Variants in AGPS observed in about 807,000 individuals in gnomAD.
AGPS encodes the protein alkylglycerone phosphate synthase.
In AGPS, 26 loss-of-function variants were observed where a neutral mutation model predicts 90.7. The ratio of observed to expected loss-of-function variants is 0.29; its 90% CI spans 0.21 to 0.40. The LOEUF (loss-of-function observed/expected upper bound fraction) is 0.40. Among genes scored for constraint, AGPS ranks in the 10% least tolerant of loss-of-function variants. The pLI is 1.00. For missense variants in AGPS, 540 were observed against 816.1 expected, an observed-to-expected ratio of 0.66 and a Z score of 4.12; for synonymous variants, 294 against 285.3, an observed-to-expected ratio of 1.03 and a Z score of -0.31.
At chr2:177,494,665 T>C (rs1017479085) in intron 12 of AGPS, among the ~76,000 whole-genome samples, 3 of 152,202 alleles carry the variant, frequency 2.0e-5, no homozygotes, top group Non-Finnish European at 4.4e-5. Context: ...TTACTATACC[T>C]GAAAACATAC....
chr2:177,505,185 G>A (rs979027169), intron 14 of AGPS, among the ~76,000 whole-genome samples: 9 of 152,090 alleles, frequency 5.9e-5, no homozygotes, highest in African/African-American at 1.7e-4. Context: ...TCAAATATGA[G>A]TGAGACAGTA....
intron 11 of AGPS, among the ~76,000 whole-genome samples, chr2:177,485,629 A>G (rs1247548021): frequency 6.6e-6 from 1 of 152,182 alleles, no homozygotes; most frequent in Non-Finnish European, 1.5e-5. Flanking sequence ...ACACAAAACT[A>G]TAGTGAGCCA....
intron 1 of AGPS, among the ~76,000 whole-genome samples, chr2:177,405,774 T>A (rs545029822): frequency 6.6e-6 from 1 of 151,542 alleles, no homozygotes; most frequent in Admixed American, 6.6e-5. Context: ...TTTTTAGTCA[T>A]TTCTTCTGCA....
intron 17 of AGPS, among the ~76,000 whole-genome samples, chr2:177,518,880 G>A (rs1472726041): frequency 2.6e-5 from 4 of 151,998 alleles, no homozygotes; most frequent in South Asian, 2.1e-4. Context: ...GAAAATGGGC[G>A]CACATACTTA....
intron 9 of AGPS, among the ~76,000 whole-genome samples, chr2:177,463,490 A>G (rs902756006): frequency 6.6e-6 from 1 of 152,178 alleles, no homozygotes; most frequent in South Asian, 2.1e-4. Flanking sequence ...GGAGCTATTT[A>G]GCTTTGCTTT....
intron 1 of AGPS, among the ~76,000 whole-genome samples, chr2:177,412,315 CT>C (rs1395008067): frequency 2.0e-5 from 3 of 152,100 alleles, no homozygotes; most frequent in African/African-American, 7.2e-5. Flanking sequence ...TGAGTAGAGA[CT>C]TCTGGCTGTA....
intron 7 of AGPS, among the ~76,000 whole-genome samples, 189 bp from the exon 8 acceptor site, chr2:177,445,357 C>G (rs1162516632): frequency 6.6e-6 from 1 of 152,172 alleles, no homozygotes; most frequent in African/African-American, 2.4e-5. Context: ...AATATGCTGC[C>G]TTTGTTACTA....
intron 2 of AGPS, among the ~76,000 whole-genome samples, chr2:177,432,580 A>G (rs1021311840): frequency 2.6e-5 from 4 of 152,254 alleles, no homozygotes; most frequent in African/African-American, 9.6e-5. Flanking sequence ...AATATTGTGC[A>G]TTCAGATATA....
At chr2:177,394,096 A>G (rs1394548178) in intron 1 of AGPS, among the ~76,000 whole-genome samples, 2 of 152,216 alleles carry the variant, frequency 1.3e-5, no homozygotes, top group Non-Finnish European at 2.9e-5. Context: ...AATTGACTTC[A>G]TGGCCAAGTT....
At chr2:177,481,880 G>C (rs1405705512) in intron 10 of AGPS, among the ~76,000 whole-genome samples, 179 bp from the exon 11 acceptor site, 1 of 151,742 alleles carries the variant, frequency 6.6e-6, no homozygotes, top group African/African-American at 2.4e-5. Flanking sequence ...TTGAGAAATT[G>C]TAAAATTTGC....
intron 10 of AGPS, among the ~76,000 whole-genome samples, chr2:177,480,568 G>A (rs1266428760): frequency 5.3e-5 from 8 of 151,996 alleles, no homozygotes; most frequent in Admixed American, 4.6e-4. Context: ...TCATACACTG[G>A]GGCCTGTTGT....
chr2:177,533,045 G>A (rs1468939839), intron 19 of AGPS, among the ~76,000 whole-genome samples: 1 of 152,300 alleles, frequency 6.6e-6, no homozygotes, highest in East Asian at 1.9e-4. Flanking sequence ...GACTATATCA[G>A]TGTCAATGTC....
chr2:177,442,935 A>G (rs1471003771), intron 7 of AGPS, among the ~76,000 whole-genome samples: 3 of 151,458 alleles, frequency 2.0e-5, no homozygotes, highest in African/African-American at 7.3e-5. Flanking sequence ...GTTTACTTTT[A>G]CCCTCAGGTA....
At chr2:177,499,018 T>C (rs1409003212) in intron 13 of AGPS, among the ~76,000 whole-genome samples, 4 of 151,934 alleles carry the variant, frequency 2.6e-5, no homozygotes, top group Non-Finnish European at 5.9e-5. Context: ...AGAATTGGAA[T>C]AAACTAGTAC....
intron 11 of AGPS, among the ~76,000 whole-genome samples, chr2:177,482,667 C>T (rs1687978460): frequency 6.6e-6 from 1 of 151,970 alleles, no homozygotes; most frequent in African/African-American, 2.4e-5. Flanking sequence ...GAATGTGCTG[C>T]TACTAGGCTA....
At position 177,393,062 on chromosome 2, in the gene AGPS, A is replaced by AT. The variant is rs1201133989; in HGVS notation, c.260+14dup. Reference sequence around the variant, plus strand: ...TCCCAAAGAAGCGGTGAGTAGCGGTATGTGGAAGGAGTTAGCGTCGAGGGA... The same window carrying AT: ...TCCCAAAGAAGCGGTGAGTAGCGGTATTGTGGAAGGAGTTAGCGTCGAGGGA... On this transcript the variant is annotated intron_variant, in intron 1 of 19. Transcript: ENST00000264167. The AT allele has an allele frequency of 1.9e-6, 3 of 1,550,292 alleles. No homozygotes were observed. The Admixed American group carries it at 5.9e-5, about 30-fold the overall frequency.
In AGPS at chr2:177,510,256, A is replaced by G. The variant is rs188146343; in HGVS notation, c.1607+2225A>G. Among the ~76,000 whole-genome samples, 6 of 152,266 alleles carry G rather than the reference A, an allele frequency of 3.9e-5. No individual in the cohort carries two copies. The East Asian group carries it at 5.8e-4, about 15-fold the overall frequency. On this transcript the variant is annotated intron_variant, in intron 16 of 19. Transcript: ENST00000264167. The stretch of plus-strand genomic sequence containing the variant: ...CTTCTTCCTGGTTTTATAGATGGCC[A>G]TCTTCTTAGTAATACCTGCACCTGG...
chr2:177,439,502 T>C lies in AGPS; in HGVS notation c.638-1463T>C, dbSNP rs368695564. 1.2e-4 allele frequency among the ~76,000 whole-genome samples: 19 copies of C among 152,282 alleles called. 1 individual carries two copies. The East Asian group carries it at 2.5e-3, about 20-fold the overall frequency. ...TTGTGAATTATTAATTAATGAGTAT[T>C]CTATTTAGTAAATTTACCACAGATA... is the stretch of plus-strand genomic sequence containing the variant. On this transcript the variant is annotated intron_variant, in intron 5 of 19. Coordinates refer to ENST00000264167, the MANE Select transcript of AGPS (RefSeq NM_003659.4).
chr2:177,432,848 A>AG (rs1686284316), intron 2 of AGPS, among the ~76,000 whole-genome samples: 1 of 152,198 alleles, frequency 6.6e-6, no homozygotes, highest in South Asian at 2.1e-4. Flanking sequence ...CAGAAGGGGA[A>AG]GGGGAGCTGG....
Sources: allele counts gnomAD v4.1 joint callset (sites outside exome capture counted in the v4.1 genomes callset), GRCh38; gene constraint gnomAD v4.1.1; transcripts MANE v1.5; gene names NCBI Gene and HGNC (gene_info 2026-07-23, HGNC 2026-07-21).